The following LTBP1 variants were observed in gnomAD, a reference collection of about 807,000 sequenced individuals.
The protein encoded by LTBP1 is latent transforming growth factor beta binding protein 1, also known as latent-transforming growth factor beta-binding protein 1.
In LTBP1, 129 loss-of-function variants were observed where a neutral mutation model predicts 207.6. That is an observed-to-expected ratio of 0.62 (90% CI 0.54 to 0.72). The LOEUF is 0.72. LTBP1 is among the 30% of genes least tolerant of loss of function. LTBP1 has a pLI of 0.00. For synonymous variants in LTBP1, 963 were observed against 833.7 expected (o/e 1.16, Z -2.67); for missense variants, 2,281 against 2,217.2 (o/e 1.03, Z -0.58).
chr2:32,987,333 C>A (rs749940191), intron 2 of LTBP1, among the ~76,000 whole-genome samples: 1 of 151,920 alleles, frequency 6.6e-6, no homozygotes, highest in Non-Finnish European at 1.5e-5. Context: ...AATAGAAGAC[C>A]CTTGGGACTT....
chr2:33,217,796 C>T (rs2090825305), intron 8 of LTBP1, 142 bp downstream of exon 8: 2 of 582,200 alleles, frequency 3.4e-6, no homozygotes, highest in South Asian at 2.9e-5. Context: ...ATGTGCATTT[C>T]CAGAAAATTT....
At chr2:32,964,444 T>G (rs1257217183) in intron 2 of LTBP1, among the ~76,000 whole-genome samples, 1 of 152,204 alleles carries the variant, frequency 6.6e-6, no homozygotes, top group Non-Finnish European at 1.5e-5. Flanking sequence ...AAAAATTACT[T>G]GTTTCTCTCC....
At chr2:33,324,915 C>T (rs935666838) in intron 24 of LTBP1, among the ~76,000 whole-genome samples, 1 of 151,988 alleles carries the variant, frequency 6.6e-6, no homozygotes, top group South Asian at 2.1e-4. Context: ...CTCTGTTAGC[C>T]GGGATGGTCT....
At chr2:33,265,045 C>A (rs2093135963) in intron 15 of LTBP1, among the ~76,000 whole-genome samples, 1 of 152,170 alleles carries the variant, frequency 6.6e-6, no homozygotes, top group South Asian at 2.1e-4. Context: ...TGAAGTAGAG[C>A]AGATTGCCTT....
intron 32 of LTBP1, among the ~76,000 whole-genome samples, chr2:33,396,657 A>G (rs572520678): frequency 2.3e-4 from 35 of 152,332 alleles, no homozygotes; most frequent in African/African-American, 7.7e-4. Context: ...CACATGGCAG[A>G]GCCAGCCTGC....
chr2:32,970,692 A>G (rs1273923719), intron 2 of LTBP1, among the ~76,000 whole-genome samples: 1 of 150,958 alleles, frequency 6.6e-6, no homozygotes, highest in Non-Finnish European at 1.5e-5. Context: ...AGGTGATGTG[A>G]TACCTTCAGC....
chr2:33,237,131 C>T (rs2092089768), intron 9 of LTBP1, among the ~76,000 whole-genome samples: 1 of 152,108 alleles, frequency 6.6e-6, no homozygotes, highest in South Asian at 2.1e-4. Flanking sequence ...CCCCAGAGAG[C>T]AGCATTTCAC....
intron 3 of LTBP1, among the ~76,000 whole-genome samples, chr2:33,076,257 A>T (rs1276086822): frequency 1.3e-5 from 2 of 152,166 alleles, no homozygotes; most frequent in East Asian, 3.9e-4. Flanking sequence ...AAAAGAAGGT[A>T]GGGTATGGCA....
intron 13 of LTBP1, among the ~76,000 whole-genome samples, 158 bp downstream of exon 13, chr2:33,259,768 A>T (rs1317516143): frequency 1.3e-5 from 2 of 152,146 alleles, no homozygotes. Context: ...AAAAAAATTT[A>T]TTGAGCCATT....
intron 2 of LTBP1, among the ~76,000 whole-genome samples, chr2:32,955,567 G>GTGA (rs1677944999): frequency 6.6e-6 from 1 of 152,122 alleles, no homozygotes; most frequent in Non-Finnish European, 1.5e-5. Context: ...TGCTGCATCA[G>GTGA]TGATTACATA....
chr2:33,090,503 C>T (rs1213146490), intron 3 of LTBP1, among the ~76,000 whole-genome samples: 1 of 152,174 alleles, frequency 6.6e-6, no homozygotes, highest in Non-Finnish European at 1.5e-5. Context: ...GTGTTGGGCA[C>T]AGTACTAAAT....
At chr2:33,358,954 C>A (rs1031010359) in intron 26 of LTBP1, among the ~76,000 whole-genome samples, 1 of 152,180 alleles carries the variant, frequency 6.6e-6, no homozygotes, top group African/African-American at 2.4e-5. Flanking sequence ...TTTCAGTCCT[C>A]TGCACACTTG....
intron 16 of LTBP1, 144 bp downstream of exon 16, chr2:33,273,925 C>A: frequency 3.7e-6 from 2 of 543,838 alleles, no homozygotes; most frequent in Non-Finnish European, 5.7e-6. Flanking sequence ...TAAGGGAGCT[C>A]AAAAAAAGGT....
rs2075135704 is a variant in LTBP1, at chr2:33,020,941, A to T, written c.598A>T (p.Met200Leu). ...SCVPPCQNGG[M>L]CLRPQLCVCK... ...TGTTCCGCCATGTCAGAATGGAGGGATGTGTCTCCGGCCACAACTCTGTGT... is the reference window on the plus strand; with the variant it reads ...TGTTCCGCCATGTCAGAATGGAGGGTTGTGTCTCCGGCCACAACTCTGTGT... The change falls in exon 3 of 34, where the codon ATG (methionine) becomes TTG (leucine). Residue 200 changes from methionine to leucine, a missense_variant. Physicochemically the swap from Met to Leu is conservative, Grantham distance 15. Transcript: ENST00000404816. The T allele has an allele frequency of 6.3e-7, 1 of 1,596,634 alleles. No homozygotes were observed. The highest frequency in any genetic ancestry group is 8.6e-7 in the Non-Finnish European group (1 of 1,167,022).
intron 2 of LTBP1, among the ~76,000 whole-genome samples, chr2:32,965,811 C>A (rs1371377541): frequency 6.6e-6 from 1 of 152,130 alleles, no homozygotes; most frequent in South Asian, 2.1e-4. Context: ...TTTGTGTGGA[C>A]GTAAGTTTTC....
At position 33,004,816 on chromosome 2, in the gene LTBP1, A is replaced by ATATATATATATAT. The variant is rs1558501569; in HGVS notation, c.566-16093_566-16092insTATATATATATAT. ...ATATATATATATATATATATATATA[A>ATATATATATATAT]ACATAAAATTTGTAAAATAGTATTT... On this transcript the variant is annotated intron_variant, in intron 2 of 33. Coordinates refer to ENST00000404816, the MANE Select transcript of LTBP1 (RefSeq NM_206943.4). Among the ~76,000 whole-genome samples, 245 of 71,968 alleles carry ATATATATATATAT rather than the reference A, an allele frequency of 3.4e-3. 3 individuals are homozygous for ATATATATATATAT. The highest frequency in any genetic ancestry group is 7.5e-3 in the African/African-American group (188 of 25,120). 47.2% of individuals were successfully genotyped at this position (71,968 alleles called of 152,430 possible). A position where few individuals can be genotyped will look rare whatever the true frequency, so the allele number is the denominator to read the frequency against.
chr2:33,347,215 G>C (rs1472995612), intron 25 of LTBP1, 152 bp from the exon 26 acceptor site: 2 of 693,464 alleles, frequency 2.9e-6, no homozygotes, highest in African/African-American at 1.8e-5. Context: ...ACCTTAAAGA[G>C]CCCCTTCCCT....
chr2:33,041,003 G>A (rs924999836), intron 3 of LTBP1, among the ~76,000 whole-genome samples: 10 of 152,300 alleles, frequency 6.6e-5, no homozygotes, highest in South Asian at 6.2e-4. Context: ...CTACCCCACC[G>A]TTAATACCTT....
chr2:33,202,032 C>CACACACACAG (rs2149107924), intron 7 of LTBP1, among the ~76,000 whole-genome samples: 1 of 148,700 alleles, frequency 6.7e-6, no homozygotes, highest in African/African-American at 2.5e-5. Flanking sequence ...AACACACACA[C>CACACACACAG]ACACACACAC....
Sources: allele counts gnomAD v4.1 joint callset (sites outside exome capture counted in the v4.1 genomes callset), GRCh38; gene constraint gnomAD v4.1.1; transcripts MANE v1.5; gene names NCBI Gene and HGNC (gene_info 2026-07-23, HGNC 2026-07-21).